BAIAP2: variants seen among roughly 807,000 people sequenced by gnomAD.
BAIAP2 encodes BAR/IMD domain containing adaptor protein 2.
Under a neutral mutation model 63.0 loss-of-function variants are expected in BAIAP2, and 18 were observed. The ratio of observed to expected loss-of-function variants is 0.29; its 90% confidence interval spans 0.20 to 0.42. The LOEUF (loss-of-function observed/expected upper bound fraction) is 0.42, where lower values mean the gene tolerates loss of function less well. Among genes scored for constraint, BAIAP2 ranks in the 10% least tolerant of loss-of-function variants. The pLI is 1.00. For missense variants in BAIAP2, 610 were observed against 734.3 expected (o/e 0.83, Z 1.96); for synonymous variants, 386 against 307.6 (o/e 1.25, Z -2.67).
chr17:81,100,108 C>G, intron 7 of BAIAP2, 28 bp downstream of exon 7: 1 of 1,588,108 alleles, frequency 6.3e-7, no homozygotes, highest in Non-Finnish European at 8.6e-7. Context: ...TGCGCTGTGC[C>G]GGCGCTGGGC....
chr17:81,084,710 C>G (rs557779548), intron 3 of BAIAP2, 122 bp from the exon 4 acceptor site: 12 of 901,684 alleles, frequency 1.3e-5, no homozygotes, highest in Non-Finnish European at 1.8e-5. Flanking sequence ...CCTGACACCC[C>G]GGGGGCCCTG....
chr17:81,039,839 C>T (rs2046841323), intron 1 of BAIAP2, among the ~76,000 whole-genome samples: 1 of 152,176 alleles, frequency 6.6e-6, no homozygotes, highest in South Asian at 2.1e-4. Flanking sequence ...GGTGTGTGAC[C>T]TGGCCATTGA....
At chr17:81,051,166 C>T (rs2048621564) in intron 1 of BAIAP2, among the ~76,000 whole-genome samples, 1 of 152,036 alleles carries the variant, frequency 6.6e-6, no homozygotes, top group Non-Finnish European at 1.5e-5. Context: ...AGTGCTAACG[C>T]TGCTGTGCTC....
intron 3 of BAIAP2, among the ~76,000 whole-genome samples, chr17:81,073,530 C>A (rs895076886): frequency 2.0e-5 from 3 of 152,156 alleles, no homozygotes; most frequent in African/African-American, 7.2e-5. Context: ...ATTTGGGATT[C>A]GGAGTCAAGC....
intron 13 of BAIAP2, among the ~76,000 whole-genome samples, chr17:81,110,722 C>T (rs1456739105): frequency 6.6e-6 from 1 of 152,328 alleles, no homozygotes; most frequent in East Asian, 1.9e-4. Context: ...GCTCCTGGCT[C>T]CCTCCAGGCC....
intron 1 of BAIAP2, among the ~76,000 whole-genome samples, chr17:81,043,048 G>A (rs898810766): frequency 1.2e-4 from 18 of 152,044 alleles, no homozygotes; most frequent in Admixed American, 3.3e-4. Flanking sequence ...AGTATTTTTA[G>A]TAGAGATGGG....
chr17:81,091,941 G>T (rs535167416), intron 6 of BAIAP2, among the ~76,000 whole-genome samples: 117 of 152,366 alleles, frequency 7.7e-4, no homozygotes, highest in Admixed American at 1.0e-3. Context: ...GTGCATGCAG[G>T]TGGAGGCTGT....
chr17:81,105,709 C>A (rs552401639), intron 10 of BAIAP2: 1 of 225,908 alleles, frequency 4.4e-6, no homozygotes, highest in South Asian at 5.7e-5. Flanking sequence ...AGGGGGTCTC[C>A]CAGGAGGCTG....
At chr17:81,082,628 C>T (rs2054830808) in intron 3 of BAIAP2, among the ~76,000 whole-genome samples, 1 of 152,176 alleles carries the variant, frequency 6.6e-6, no homozygotes, top group African/African-American at 2.4e-5. Context: ...CCTCTGGGTC[C>T]CCTCAGGGGT....
intron 3 of BAIAP2, among the ~76,000 whole-genome samples, chr17:81,069,443 G>C (rs1191796022): frequency 6.6e-6 from 1 of 152,044 alleles, no homozygotes; most frequent in Non-Finnish European, 1.5e-5. Context: ...AGAGAGGCTG[G>C]GGAGTGGTCC....
chr17:81,089,446 C>T (rs117024326), intron 6 of BAIAP2, among the ~76,000 whole-genome samples: 3,899 of 152,352 alleles, frequency 0.026, 70 homozygotes, highest in Non-Finnish European at 0.041. Flanking sequence ...TGCTGGGTGC[C>T]CCAGGGGCTG....
At chr17:81,098,794 A>C (rs9319615) in intron 6 of BAIAP2, among the ~76,000 whole-genome samples, 89,773 of 151,990 alleles carry the variant, frequency 0.59, 26,723 homozygotes, top group East Asian at 0.67. Flanking sequence ...AGGGCCACAG[A>C]CGCAAGGGCT....
At chr17:81,047,795 C>T (rs1368891428) in intron 1 of BAIAP2, among the ~76,000 whole-genome samples, 2 of 64,174 alleles carry the variant, frequency 3.1e-5, no homozygotes, top group African/African-American at 6.4e-5. Context: ...AGCTCATGCC[C>T]ACAGCACACA....
chr17:81,037,359 A>G (rs1432510162), intron 1 of BAIAP2, among the ~76,000 whole-genome samples: 2 of 152,230 alleles, frequency 1.3e-5, no homozygotes, highest in African/African-American at 4.8e-5. Flanking sequence ...TGCTGCACAC[A>G]GGCGGGGTTG....
Position 81,046,489 on chromosome 17 carries a change from C to T in BAIAP2, c.55-7179C>T, listed in dbSNP as rs1460410664. 6.6e-6 allele frequency among the ~76,000 whole-genome samples: 1 copy of T among 152,132 alleles called. No individual in the cohort carries two copies. Among genetic ancestry groups the T allele is most frequent in the African/African-American group, 2.4e-5 (1 of 41,412 alleles). On this transcript the variant is annotated intron_variant, in intron 1 of 13. Transcript: ENST00000428708. This position sits in a 1 kb window ranked among gnomAD's most constrained non-coding sequence, Gnocchi z 4.5. ...GCTTCCTTCACACCCCCACAGCCCC[C>T]ACTCCTCTTGCCCTGTGAGCCAGCT... is the stretch of plus-strand genomic sequence containing the variant.
Position 81,091,373 on chromosome 17 carries a change from G to A in BAIAP2, c.489+4793G>A, listed in dbSNP as rs567399241. Reference sequence around the variant, plus strand: ...TCACCGGCCTCTCCATTCCTAAAGCGGTTGGTTGCTTCCCAGCTGTTCTAC... The same window carrying A: ...TCACCGGCCTCTCCATTCCTAAAGCAGTTGGTTGCTTCCCAGCTGTTCTAC... On this transcript the variant is annotated intron_variant, in intron 6 of 13. Coordinates refer to ENST00000428708, the MANE Select transcript of BAIAP2 (RefSeq NM_001144888.2). Among the ~76,000 whole-genome samples the A allele has an allele frequency of 5.9e-5, 9 of 152,210 alleles. No individual in the cohort carries two copies. The East Asian group carries it at 1.5e-3, about 26-fold the overall frequency.
At chr17:81,059,102 C>A (rs117316468) in intron 3 of BAIAP2, among the ~76,000 whole-genome samples, 7,665 of 152,250 alleles carry the variant, frequency 0.05, 276 homozygotes, top group Admixed American at 0.11. Flanking sequence ...ACTTCGCAGC[C>A]CCCTGCGGAC....
intron 6 of BAIAP2, among the ~76,000 whole-genome samples, chr17:81,093,150 T>C (rs960041646): frequency 6.6e-6 from 1 of 150,482 alleles, no homozygotes; most frequent in Non-Finnish European, 1.5e-5. Context: ...AGGACCTGAG[T>C]GTGAGGAGGG....
Position 81,086,525 on chromosome 17 carries a change from G to C in BAIAP2, c.434G>C (p.Arg145Pro). ...DKCQAELKKLRKKSQGSKNPQ... is the reference protein window; with the variant it reads ...DKCQAELKKLPKKSQGSKNPQ... The stretch of plus-strand genomic sequence containing the variant: ...TGTCAGGCTGAGCTGAAGAAGCTTC[G>C]GAAGAAGAGCCAGGGCAGCAAGAAT... Residue 145 changes from arginine to proline, a missense_variant, in exon 6 of 14, where the codon CGG (arginine) becomes CCG (proline). By Grantham distance (103) the Arg-to-Pro change is moderately radical. Coordinates refer to ENST00000428708, the MANE Select transcript of BAIAP2 (RefSeq NM_001144888.2). 6.2e-7 allele frequency: 1 copy of C among 1,613,948 alleles called. No individual in the cohort carries two copies. The highest frequency in any genetic ancestry group is 8.5e-7 in the Non-Finnish European group (1 of 1,180,028).
Sources: allele counts gnomAD v4.1 joint callset (sites outside exome capture counted in the v4.1 genomes callset), GRCh38; gene constraint gnomAD v4.1.1; non-coding constraint Gnocchi (gnomAD v3.1); transcripts MANE v1.5; gene names NCBI Gene and HGNC (gene_info 2026-07-23, HGNC 2026-07-21).